Variants in UGCG observed in about 807,000 individuals in gnomAD.
UGCG encodes UDP-glucose ceramide glucosyltransferase, also known as ceramide glucosyltransferase.
UGCG carries 10 observed loss-of-function variants against 49.5 expected under a neutral mutation model. That is an observed-to-expected ratio of 0.20 (90% CI 0.12 to 0.34). UGCG has a LOEUF of 0.34. Ranked by LOEUF, UGCG falls within the 10% of genes least tolerant of loss-of-function variation. The probability of loss-of-function intolerance (pLI) is 1.00; values close to 1 mark genes in which losing one functional copy is unlikely to be tolerated. For synonymous variants in UGCG, 182 were observed against 158.2 expected (o/e 1.15, Z -1.13); for missense variants, 312 against 483.7 (o/e 0.65, Z 3.33).
At chr9:111,909,327 GAA>G (rs1346126472) in intron 1 of UGCG, among the ~76,000 whole-genome samples, 59 of 151,776 alleles carry the variant, frequency 3.9e-4, no homozygotes, top group Non-Finnish European at 8.8e-5. Context: ...AAATTTTTTT[GAA>G]AAAAATCACT....
Position 111,933,177 on chromosome 9 carries a change from TC to T in UGCG, c.*181del. The T allele has an allele frequency of 4.1e-6, 2 of 490,292 alleles. No homozygotes were observed. Among genetic ancestry groups the T allele is most frequent in the East Asian group, 8.0e-5 (2 of 25,094 alleles). The allele number at this position is 490,292 out of a possible 1,614,324, so 30.4% of individuals were successfully genotyped here. On this transcript the variant is annotated 3_prime_UTR_variant, in exon 9 of 9. Coordinates refer to ENST00000374279, the MANE Select transcript of UGCG (RefSeq NM_003358.3). ...AAAAAAAAAAAAAACACATCTGTAGTCTTGGCCAAATGATACACTTTATTTT... is the reference window on the plus strand; with the variant it reads ...AAAAAAAAAAAAAACACATCTGTAGTTTGGCCAAATGATACACTTTATTTT...
intron 3 of UGCG, 23 bp from the exon 4 acceptor site, chr9:111,924,754 C>G: frequency 7.6e-7 from 1 of 1,310,948 alleles, no homozygotes; most frequent in Non-Finnish European, 1.0e-6. Flanking sequence ...AAATCTTTTA[C>G]TACTGTACCT....
At chr9:111,922,369 A>G (rs1417567499) in intron 2 of UGCG, among the ~76,000 whole-genome samples, 1 of 152,346 alleles carries the variant, frequency 6.6e-6, no homozygotes, top group Non-Finnish European at 1.5e-5. Context: ...TAAATTTATT[A>G]TAATGGGATT....
At chr9:111,925,263 T>G (rs1348227357) in intron 4 of UGCG, among the ~76,000 whole-genome samples, 1 of 152,240 alleles carries the variant, frequency 6.6e-6, no homozygotes, top group African/African-American at 2.4e-5. Context: ...TAGGTGCATA[T>G]TTTACTAAAA....
chr9:111,922,855 G>A lies in UGCG; in HGVS notation c.247G>A (p.Val83Met). ...TACAATGCTTTTTGACTAGTATGAA[G>A]TGCTCCTTTGTGTACAAGATCATGA... is the stretch of plus-strand genomic sequence containing the variant. ...FFELDYPKYE[V>M]LLCVQDHDDP... is the part of the protein sequence containing the mutation. The change falls in exon 3 of 9, where the codon GTG becomes ATG. Residue 83 changes from valine (V) to methionine (M), a missense_variant. This residue lies in a region of UGCG where 64 missense variants were observed against 67.6 expected (regional missense o/e 0.95). Coordinates refer to ENST00000374279, the MANE Select transcript of UGCG (RefSeq NM_003358.3). 1 of 1,609,234 alleles carries A rather than the reference G, an allele frequency of 6.2e-7. No individual in the cohort carries two copies. The highest frequency in any genetic ancestry group is 8.5e-7 in the Non-Finnish European group (1 of 1,177,700).
intron 4 of UGCG, among the ~76,000 whole-genome samples, chr9:111,926,107 G>A (rs1838308216): frequency 6.6e-6 from 1 of 152,098 alleles, no homozygotes; most frequent in Non-Finnish European, 1.5e-5. Context: ...TCCAACAGGG[G>A]GTAACTTTTT....
chr9:111,929,435 A>G, intron 5 of UGCG, 65 bp from the exon 6 acceptor site: 1 of 1,515,582 alleles, frequency 6.6e-7, no homozygotes, highest in Non-Finnish European at 8.9e-7. Flanking sequence ...TGGGAAAAAC[A>G]GTTCGTGAAC....
chr9:111,930,868 G>A (rs548894411), intron 6 of UGCG, among the ~76,000 whole-genome samples: 1 of 152,320 alleles, frequency 6.6e-6, no homozygotes, highest in Admixed American at 6.5e-5. Flanking sequence ...TGTCATGATT[G>A]TGTTCATGTG....
intron 1 of UGCG, among the ~76,000 whole-genome samples, chr9:111,913,084 A>G (rs571580333): frequency 6.6e-6 from 1 of 152,316 alleles, no homozygotes; most frequent in Non-Finnish European, 1.5e-5. Flanking sequence ...ATCAAGATGC[A>G]TTGATGCAAG....
Position 111,897,256 on chromosome 9 carries a change from T to G in UGCG, c.41T>G (p.Phe14Cys), listed in dbSNP as rs1216406341. ...LDLALEGMAV[F>C]GFVLFLVLWL... ...CTGGCCTTGGAGGGAATGGCCGTCT[T>G]CGGGTTCGTCCTCTTCTTGGTGCTG... Residue 14 changes from phenylalanine (F) to cysteine (C), a missense_variant, in exon 1 of 9, where the codon TTC (phenylalanine) becomes TGC (cysteine). Phe to Cys is a radical substitution (Grantham distance 205). Coordinates refer to ENST00000374279, the MANE Select transcript of UGCG (RefSeq NM_003358.3). 21 of 1,557,726 alleles carry G rather than the reference T, an allele frequency of 1.3e-5. No individual in the cohort carries two copies. In the South Asian group the frequency reaches 2.4e-4, roughly 18 times the overall value.
At chr9:111,927,494 C>G (rs537794471) in intron 5 of UGCG, among the ~76,000 whole-genome samples, 2,775 of 151,894 alleles carry the variant, frequency 0.018, 35 homozygotes, top group Non-Finnish European at 0.029. Flanking sequence ...CTCTGTCGCC[C>G]AGGCTGGAGT....
In UGCG at chr9:111,922,920, A is replaced by G; in HGVS notation, c.312A>G (p.Lys104=). Residue 104 remains lysine (K), a synonymous_variant, in exon 3 of 9, where the codon AAA becomes AAG. Transcript: ENST00000374279. ...AIDVCKKLLG[K]YPNVDARLFI... is the part of the protein sequence containing the mutation. ...ATGTATGTAAGAAGCTTCTTGGAAA[A>G]TATCCAAATGTTGATGCTAGATTGT... is the stretch of plus-strand genomic sequence containing the variant. 6.2e-7 allele frequency: 1 copy of G among 1,613,086 alleles called. No homozygotes were observed. The highest frequency in any genetic ancestry group is 8.5e-7 in the Non-Finnish European group (1 of 1,179,644).
intron 1 of UGCG, among the ~76,000 whole-genome samples, chr9:111,900,110 T>G (rs1001880993): frequency 7.6e-6 from 1 of 130,926 alleles, no homozygotes. Flanking sequence ...TAAATAGCCT[T>G]TATGGGTTAA....
chr9:111,922,140 A>C (rs752825370), intron 2 of UGCG, among the ~76,000 whole-genome samples: 1 of 152,072 alleles, frequency 6.6e-6, no homozygotes, highest in Non-Finnish European at 1.5e-5. Flanking sequence ...CAGCTGGGCA[A>C]GTGTTAAGAA....
chr9:111,906,691 A>T (rs1466906327), intron 1 of UGCG, among the ~76,000 whole-genome samples: 1 of 151,458 alleles, frequency 6.6e-6, no homozygotes, highest in Admixed American at 6.6e-5. Context: ...CAGCCTCCCA[A>T]ATTGGCTGGG....
rs141170845 is a variant in UGCG at position 111,907,665 on chromosome 9, C to T, written c.99-6940C>T. Among the ~76,000 whole-genome samples, 1,407 of 145,484 alleles carry T rather than the reference C, an allele frequency of 9.7e-3. 27 individuals carry two copies. The highest frequency in any genetic ancestry group is 0.033 in the African/African-American group (1,291 of 38,842). The stretch of plus-strand genomic sequence containing the variant: ...TTTGAGATGGAATCTTGCTCTGTTG[C>T]CCAGGCTGGAGTGCAGTGGTGCGAT... On this transcript the variant is annotated intron_variant, in intron 1 of 8. Transcript: ENST00000374279.
At chr9:111,898,070 T>G (rs992822496) in intron 1 of UGCG, among the ~76,000 whole-genome samples, 14 of 150,128 alleles carry the variant, frequency 9.3e-5, no homozygotes, top group Admixed American at 2.0e-4. Flanking sequence ...TCATGAGTCT[T>G]ACATTCTAGA....
At position 111,926,861 on chromosome 9, in the gene UGCG, C is replaced by CTTTTTTTTTT. The variant is rs56298523; in HGVS notation, c.558+385_558+394dup. On this transcript the variant is annotated intron_variant, in intron 5 of 8. Coordinates refer to ENST00000374279, the MANE Select transcript of UGCG (RefSeq NM_003358.3). ...GAACCGCTGGCCCCCTCCCCCCAGC[C>CTTTTTTTTTT]TTTTTTTTTTTTTTTTTTTTTTTTT... Among the ~76,000 whole-genome samples, 96 of 56,878 alleles carry CTTTTTTTTTT rather than the reference C, an allele frequency of 1.7e-3. 12 individuals carry two copies. Among genetic ancestry groups the CTTTTTTTTTT allele is most frequent in the Non-Finnish European group, 2.8e-3 (78 of 27,518 alleles). The allele number at this position is 56,878 out of a possible 152,430, so 37.3% of individuals were successfully genotyped here.
chr9:111,900,476 ATGTGTG>A (rs10551745), intron 1 of UGCG, among the ~76,000 whole-genome samples: 1 of 150,554 alleles, frequency 6.6e-6, no homozygotes, highest in African/African-American at 2.4e-5. Flanking sequence ...GTATATGTAT[ATGTGTG>A]TGTGTGTGTG....
Sources: gnomAD v4.1 joint callset for allele counts (sites outside exome capture counted in the v4.1 genomes callset) on GRCh38, gnomAD v4.1.1 for gene constraint, gnomAD v4.1.1 regional missense constraint, MANE v1.5 for transcripts, NCBI Gene and HGNC (gene_info 2026-07-23, HGNC 2026-07-21) for gene names.